Variants in MSTO1 observed in about 807,000 individuals in gnomAD.
MSTO1 encodes misato mitochondrial distribution and morphology regulator 1.
Under a neutral mutation model 55.7 loss-of-function variants are expected in MSTO1, and 24 were observed. That is an observed-to-expected ratio of 0.43 (90% CI 0.31 to 0.61). The LOEUF is 0.61. Ranked by LOEUF, MSTO1 falls within the 20% of genes least tolerant of loss-of-function variation. The pLI, the probability that MSTO1 is intolerant of heterozygous loss-of-function variation, is 0.09. For synonymous variants in MSTO1, 162 were observed against 252.8 expected, an observed-to-expected ratio of 0.64 and a Z score of 3.41; for missense variants, 363 against 625.7, an observed-to-expected ratio of 0.58 and a Z score of 4.48.
At chr1:155,591,661 A>ATT in the MSTO1 span, among the ~76,000 whole-genome samples, 1 of 151,920 alleles carries the variant, frequency 6.6e-6, no homozygotes, top group African/African-American at 2.4e-5. Context: ...GTGGTGGCGC[A>ATT]TGCCTGTAAT....
At chr1:155,576,872 G>A in the MSTO1 span, among the ~76,000 whole-genome samples, 1 of 148,374 alleles carries the variant, frequency 6.7e-6, no homozygotes, top group East Asian at 2.2e-4. Flanking sequence ...AAAATTAGCC[G>A]GGCGTGGTGG....
chr1:155,609,996 C>A (rs544389101), upstream of MSTO1: 2 of 515,602 alleles, frequency 3.9e-6, no homozygotes, highest in African/African-American at 4.0e-5. Context: ...CCACCCCGCT[C>A]CAACGTGGAG....
upstream of MSTO1, among the ~76,000 whole-genome samples, chr1:155,609,243 A>ATATATATATATAT (rs59756178): frequency 2.9e-4 from 16 of 54,568 alleles, no homozygotes; most frequent in East Asian, 3.7e-3. Flanking sequence ...ATATATATAT[A>ATATATATATATAT]TTTTTTTTTT....
At chr1:155,605,413 A>C (rs1474938324), upstream of MSTO1, among the ~76,000 whole-genome samples, 2 of 152,212 alleles carry the variant, frequency 1.3e-5, no homozygotes, top group African/African-American at 2.4e-5. Flanking sequence ...GAAATGGACA[A>C]ATTTCCAAAA....
the MSTO1 span, chr1:155,590,884 G>C: frequency 6.2e-7 from 1 of 1,611,902 alleles, no homozygotes; most frequent in East Asian, 2.2e-5. Flanking sequence ...GACCCCTGAG[G>C]TGACAAAGAC....
the MSTO1 span, among the ~76,000 whole-genome samples, chr1:155,568,950 C>T: frequency 6.7e-6 from 1 of 150,260 alleles, no homozygotes; most frequent in Non-Finnish European, 1.5e-5. Context: ...CTCCCGGGTT[C>T]AAGTGATTCT....
the MSTO1 span, among the ~76,000 whole-genome samples, chr1:155,582,785 G>A: frequency 1.3e-5 from 2 of 152,034 alleles, no homozygotes; most frequent in African/African-American, 4.8e-5. Context: ...AAAATATTTT[G>A]AAATGTGATT....
the MSTO1 span, among the ~76,000 whole-genome samples, chr1:155,592,554 A>G: frequency 6.6e-6 from 1 of 151,304 alleles, no homozygotes; most frequent in African/African-American, 2.4e-5. Flanking sequence ...AGTACTTGAC[A>G]GTTACTTTTT....
At chr1:155,611,662 A>AG in intron 5 of MSTO1, 27 bp from the exon 6 acceptor site, 26 of 1,219,166 alleles carry the variant, frequency 2.1e-5, no homozygotes, top group Non-Finnish European at 3.1e-5. Flanking sequence ...ACATGGAGAA[A>AG]GGTACATTTC....
chr1:155,567,363 G>A, the MSTO1 span, among the ~76,000 whole-genome samples: 1 of 150,374 alleles, frequency 6.7e-6, no homozygotes, highest in African/African-American at 2.5e-5. Context: ...CCAGGCGGGA[G>A]TGCTGTGGCG....
At chr1:155,574,959 C>T in the MSTO1 span, among the ~76,000 whole-genome samples, 10 of 151,558 alleles carry the variant, frequency 6.6e-5, no homozygotes, top group East Asian at 5.8e-4. Context: ...CTCCACCTCC[C>T]GGGTTCAAGC....
At chr1:155,601,118 C>G in the MSTO1 span, among the ~76,000 whole-genome samples, 1 of 151,378 alleles carries the variant, frequency 6.6e-6, no homozygotes, top group African/African-American at 2.4e-5. Context: ...CGCACCCAGC[C>G]TTGCTTGTAT....
At chr1:155,603,649 G>A in the MSTO1 span, among the ~76,000 whole-genome samples, 2 of 152,030 alleles carry the variant, frequency 1.3e-5, no homozygotes, top group Non-Finnish European at 2.9e-5. Context: ...CCAGAGGTCA[G>A]GAGTTCAAGA....
chr1:155,613,007 C>A, intron 10 of MSTO1, 32 bp downstream of exon 10: 1 of 1,613,962 alleles, frequency 6.2e-7, no homozygotes, highest in Non-Finnish European at 8.5e-7. Context: ...TGGGTCAGTG[C>A]TGAGAAAATG....
chr1:155,587,705 C>A, the MSTO1 span, among the ~76,000 whole-genome samples: 1 of 146,364 alleles, frequency 6.8e-6, no homozygotes, highest in Admixed American at 6.9e-5. Context: ...GATCGCGCCA[C>A]TGCACTCCAG....
At chr1:155,581,798 A>T in the MSTO1 span, among the ~76,000 whole-genome samples, 1 of 144,262 alleles carries the variant, frequency 6.9e-6, no homozygotes, top group Admixed American at 7.0e-5. Flanking sequence ...TTTTACCATA[A>T]TTTTTTTTTT....
At chr1:155,576,777 G>A in the MSTO1 span, among the ~76,000 whole-genome samples, 3 of 150,664 alleles carry the variant, frequency 2.0e-5, no homozygotes, top group Non-Finnish European at 4.4e-5. Context: ...ACTTTGGGAG[G>A]CCAAACTGGG....
chr1:155,602,976 G>A, the MSTO1 span, among the ~76,000 whole-genome samples: 1 of 152,124 alleles, frequency 6.6e-6, no homozygotes, highest in African/African-American at 2.4e-5. Context: ...CTAAGAGCTT[G>A]TTAAAAATGC....
At chr1:155,598,459 C>T in the MSTO1 span, among the ~76,000 whole-genome samples, 9 of 152,198 alleles carry the variant, frequency 5.9e-5, no homozygotes, top group African/African-American at 1.9e-4. Context: ...TGCAGTAGCT[C>T]ACTTGTAATC....
Sources: allele counts gnomAD v4.1 joint callset (sites outside exome capture counted in the v4.1 genomes callset), GRCh38; gene constraint gnomAD v4.1.1; transcripts MANE v1.5; gene names NCBI Gene and HGNC (gene_info 2026-07-23, HGNC 2026-07-21).